The following AKAP6 variants were observed in gnomAD, a reference collection of about 807,000 sequenced individuals.
AKAP6 encodes A-kinase anchoring protein 6.
In AKAP6, 58 loss-of-function variants were observed where a neutral mutation model predicts 188.5. The ratio of observed to expected loss-of-function variants is 0.31; its 90% confidence interval spans 0.25 to 0.38. The LOEUF is 0.38. Among genes scored for constraint, AKAP6 ranks in the 10% least tolerant of loss-of-function variants. The pLI is 1.00. For missense variants in AKAP6, 2,710 were observed against 2,740.0 expected (o/e 0.99, Z 0.24); for synonymous variants, 989 against 998.6 (o/e 0.99, Z 0.18).
At chr14:32,598,555 A>T (rs1885797887) in intron 5 of AKAP6, among the ~76,000 whole-genome samples, 1 of 152,188 alleles carries the variant, frequency 6.6e-6, no homozygotes, top group Non-Finnish European at 1.5e-5. Context: ...CTTGTATGTG[A>T]CATGAATTGG....
intron 1 of AKAP6, among the ~76,000 whole-genome samples, chr14:32,340,444 C>T (rs533755795): frequency 6.6e-6 from 1 of 152,278 alleles, no homozygotes; most frequent in African/African-American, 2.4e-5. Context: ...CATACTCTTC[C>T]TGAATCTTGG....
chr14:32,676,360 CAGT>C, intron 7 of AKAP6, among the ~76,000 whole-genome samples: 1 of 152,196 alleles, frequency 6.6e-6, no homozygotes, highest in East Asian at 1.9e-4. Flanking sequence ...ATTATTACAT[CAGT>C]AGTTATTATT....
chr14:32,583,555 T>C (rs1397036387), intron 5 of AKAP6, among the ~76,000 whole-genome samples: 3 of 152,204 alleles, frequency 2.0e-5, no homozygotes, highest in African/African-American at 7.2e-5. Context: ...GTCTTTTTGT[T>C]TGTCTGTGCC....
chr14:32,459,386 T>TA (rs1342980046), intron 2 of AKAP6, among the ~76,000 whole-genome samples: 3 of 151,898 alleles, frequency 2.0e-5, no homozygotes, highest in Admixed American at 1.3e-4. Context: ...TACAATTCAG[T>TA]AAAAAAATAA....
rs554151148 is a variant in AKAP6 at position 32,354,149 on chromosome 14, A to T, written c.-35+24741A>T. 2.1e-4 allele frequency among the ~76,000 whole-genome samples: 32 copies of T among 152,208 alleles called. No homozygotes were observed. The South Asian group carries it at 6.2e-3, about 30-fold the overall frequency. Reference sequence around the variant, plus strand: ...GAACCAAAAAAGAGCCCACATTGCCAAGTCAATCCTAAGCCAAAAGAACAA... The same window carrying T: ...GAACCAAAAAAGAGCCCACATTGCCTAGTCAATCCTAAGCCAAAAGAACAA... On this transcript the variant is annotated intron_variant, in intron 1 of 13. Transcript: ENST00000280979.
At chr14:32,642,919 A>G (rs1304750377) in intron 7 of AKAP6, among the ~76,000 whole-genome samples, 3 of 152,200 alleles carry the variant, frequency 2.0e-5, no homozygotes, top group Admixed American at 6.5e-5. Flanking sequence ...CCATGGGAAT[A>G]CCATATGACA....
chr14:32,680,426 A>G (rs554504664), intron 8 of AKAP6, among the ~76,000 whole-genome samples: 23 of 152,234 alleles, frequency 1.5e-4, no homozygotes, highest in Non-Finnish European at 2.9e-4. Flanking sequence ...GTAGCTTTGT[A>G]AAATTATCTG....
At chr14:32,491,983 A>G (rs1880040082) in intron 2 of AKAP6, among the ~76,000 whole-genome samples, 1 of 152,080 alleles carries the variant, frequency 6.6e-6, no homozygotes. Context: ...GATCCTAGAA[A>G]TCCCTTCCTC....
intron 11 of AKAP6, among the ~76,000 whole-genome samples, chr14:32,748,681 GA>G (rs1297171607): frequency 6.6e-6 from 1 of 151,998 alleles, no homozygotes; most frequent in Non-Finnish European, 1.5e-5. Context: ...CCAAGACTAG[GA>G]AAAAAGGAGA....
intron 9 of AKAP6, among the ~76,000 whole-genome samples, chr14:32,707,711 A>G (rs1008753432): frequency 2.0e-5 from 3 of 152,116 alleles, no homozygotes; most frequent in African/African-American, 7.2e-5. Context: ...ATTAAACTCT[A>G]TTAATCAGAA....
At chr14:32,595,341 T>C (rs1020445569) in intron 5 of AKAP6, among the ~76,000 whole-genome samples, 1 of 152,112 alleles carries the variant, frequency 6.6e-6, no homozygotes, top group African/African-American at 2.4e-5. Context: ...ACTGAGCTGC[T>C]TGTGGCTCCC....
intron 2 of AKAP6, among the ~76,000 whole-genome samples, chr14:32,522,993 G>A (rs1246493394): frequency 6.6e-6 from 1 of 152,164 alleles, no homozygotes; most frequent in Non-Finnish European, 1.5e-5. Flanking sequence ...ATGCTATGCA[G>A]CCACAAAAAA....
At chr14:32,473,684 G>A (rs10872866) in intron 2 of AKAP6, 19,202 of 152,154 alleles carry the variant, frequency 0.13, 1,481 homozygotes, top group South Asian at 0.23. Flanking sequence ...GGTGCGGGGG[G>A]ACTGACATTC....
intron 8 of AKAP6, among the ~76,000 whole-genome samples, chr14:32,686,084 A>G (rs573727455): frequency 1.3e-5 from 2 of 152,364 alleles, no homozygotes; most frequent in East Asian, 3.9e-4. Context: ...TAGCACTTAT[A>G]CATGATAGAG....
intron 2 of AKAP6, among the ~76,000 whole-genome samples, chr14:32,476,109 A>G (rs1367501013): frequency 6.8e-6 from 1 of 147,418 alleles, no homozygotes; most frequent in Non-Finnish European, 1.5e-5. Context: ...GAAATAAACA[A>G]TATATTGTTC....
At chr14:32,473,748 T>C (rs1158638424) in intron 2 of AKAP6, 1 of 152,268 alleles carries the variant, frequency 6.6e-6, no homozygotes, top group Non-Finnish European at 1.5e-5. Flanking sequence ...AATAACTTGT[T>C]CATCCACCAC....
chr14:32,810,896 A>G (rs1197155823), intron 12 of AKAP6, among the ~76,000 whole-genome samples: 3 of 152,178 alleles, frequency 2.0e-5, no homozygotes, highest in Non-Finnish European at 4.4e-5. Context: ...CAATCAAATG[A>G]TAAGCATGAG....
chr14:32,461,045 G>A (rs1891306002), intron 2 of AKAP6, among the ~76,000 whole-genome samples: 1 of 152,204 alleles, frequency 6.6e-6, no homozygotes, highest in Admixed American at 6.5e-5. Context: ...GGGCATCTCT[G>A]AAGGTAACAG....
At chr14:32,463,569 T>C (rs954177595) in intron 2 of AKAP6, among the ~76,000 whole-genome samples, 1 of 152,126 alleles carries the variant, frequency 6.6e-6, no homozygotes, top group Non-Finnish European at 1.5e-5. Context: ...AAAGAGACAG[T>C]GTACCAGAAT....
Sources: allele counts gnomAD v4.1 joint callset (sites outside exome capture counted in the v4.1 genomes callset), GRCh38; gene constraint gnomAD v4.1.1; transcripts MANE v1.5; gene names NCBI Gene and HGNC (gene_info 2026-07-23, HGNC 2026-07-21).